The following MGAT1 variants were observed in gnomAD, a reference collection of about 807,000 sequenced individuals.
MGAT1 encodes N-glycosyl-oligosaccharide-glycoprotein N-acetylglucosaminyltransferase I.
In MGAT1, 14 loss-of-function variants were observed where a neutral mutation model predicts 31.7. The ratio of observed to expected loss-of-function variants is 0.44; its 90% CI spans 0.29 to 0.69. The LOEUF (loss-of-function observed/expected upper bound fraction) is 0.69, where lower values mean the gene tolerates loss of function less well. Among genes scored for constraint, MGAT1 ranks in the 30% least tolerant of loss-of-function variants. MGAT1 has a pLI of 0.12. For missense variants in MGAT1, 557 were observed against 626.0 expected (o/e 0.89, Z 1.18); for synonymous variants, 338 against 276.0 (o/e 1.22, Z -2.23).
intron 1 of MGAT1, among the ~76,000 whole-genome samples, chr5:180,802,461 G>T (rs907710303): frequency 6.6e-6 from 1 of 152,138 alleles, no homozygotes; most frequent in East Asian, 1.9e-4. Context: ...TGGAGGCCCG[G>T]GATTCCGAAA....
chr5:180,811,466 C>T (rs936080636), intron 1 of MGAT1: 1 of 152,236 alleles, frequency 6.6e-6, no homozygotes, highest in Non-Finnish European at 1.5e-5. Context: ...GCCCACCTGT[C>T]TTTCCCATGG....
upstream of MGAT1, among the ~76,000 whole-genome samples, chr5:180,805,821 T>G (rs1771782796): frequency 6.6e-6 from 1 of 152,032 alleles, no homozygotes; most frequent in African/African-American, 2.4e-5. Context: ...CTAATATCTC[T>G]GCTTGCCCCT....
At chr5:180,812,086 G>A (rs1275389427) in intron 1 of MGAT1, among the ~76,000 whole-genome samples, 1 of 152,162 alleles carries the variant, frequency 6.6e-6, no homozygotes, top group African/African-American at 2.4e-5. Context: ...GGTTTACCAT[G>A]TATTGTCTGT....
intron 1 of MGAT1, among the ~76,000 whole-genome samples, chr5:180,799,980 G>A (rs1002191129): frequency 5.9e-5 from 9 of 152,130 alleles, no homozygotes; most frequent in African/African-American, 9.7e-5. Context: ...AGCATCAACC[G>A]CTAGACACAG....
At chr5:180,793,281 G>C (rs139165051) in intron 1 of MGAT1, among the ~76,000 whole-genome samples, 184 bp from the exon 2 acceptor site, 2 of 152,112 alleles carry the variant, frequency 1.3e-5, no homozygotes, top group African/African-American at 4.8e-5. Context: ...TTGAGGGAGA[G>C]GCAGAGAGTG....
intron 1 of MGAT1, among the ~76,000 whole-genome samples, chr5:180,813,267 T>C (rs561763886): frequency 2.6e-5 from 4 of 152,356 alleles, no homozygotes; most frequent in South Asian, 4.1e-4. Flanking sequence ...GATAGAACGA[T>C]GGTTTTGCAT....
intron 1 of MGAT1, chr5:180,796,009 T>TTACTTGAAAGGATCTG: frequency 8.5e-6 from 1 of 117,640 alleles, no homozygotes; most frequent in Middle Eastern, 5.1e-3. Flanking sequence ...CTCCAGACCA[T>TTACTTGAAAGGATCTG]AACTCCTTGA....
At chr5:180,803,544 TGGA>T (rs1771367066), upstream of MGAT1, 1 of 151,470 alleles carries the variant, frequency 6.6e-6, no homozygotes, top group African/African-American at 2.4e-5. Context: ...GAAGAGGAGG[TGGA>T]GGTGGACCCA....
intron 2 of MGAT1, among the ~76,000 whole-genome samples, chr5:180,808,251 A>G (rs1459488321): frequency 1.3e-5 from 2 of 152,120 alleles, no homozygotes; most frequent in Non-Finnish European, 2.9e-5. Context: ...AGTCCTTTTC[A>G]GTTAGCTCCC....
Position 180,786,302 on chromosome 5 carries a change from C to G in MGAT1, c.*5332G>C, listed in dbSNP as rs922578670. 1 of 152,272 alleles carries G rather than the reference C, an allele frequency of 6.6e-6. No homozygotes were observed. The highest frequency in any genetic ancestry group is 6.5e-5 in the Admixed American group (1 of 15,282). The allele number at this position is 152,272 out of a possible 1,614,324, so 9.4% of individuals were successfully genotyped here. ...AAACAACCCACTAGGGTTAGGGGCC[C>G]GCAGGTTTCATTCTGCCCCTCTCCA... On this transcript the variant is annotated 3_prime_UTR_variant, in exon 2 of 2. Transcript: ENST00000307826.
At chr5:180,807,426 TA>T (rs1772016694), upstream of MGAT1, among the ~76,000 whole-genome samples, 1 of 152,076 alleles carries the variant, frequency 6.6e-6, no homozygotes, top group African/African-American at 2.4e-5. Context: ...AGTGAGAAGA[TA>T]AAGACAAACA....
chr5:180,794,461 C>T (rs1293029038), intron 1 of MGAT1, among the ~76,000 whole-genome samples: 2 of 149,276 alleles, frequency 1.3e-5, no homozygotes, highest in East Asian at 1.9e-4. Flanking sequence ...ATTACAACTG[C>T]GTGGTACTGG....
upstream of MGAT1, among the ~76,000 whole-genome samples, chr5:180,805,473 T>C (rs58794502): frequency 0.13 from 19,244 of 152,162 alleles, 1,249 homozygotes; most frequent in East Asian, 0.24. Context: ...AAAAGCAGGC[T>C]GGGCGCAGTG....
chr5:180,804,273 G>A (rs1484378093), upstream of MGAT1, among the ~76,000 whole-genome samples: 2 of 152,158 alleles, frequency 1.3e-5, no homozygotes, highest in South Asian at 2.1e-4. Flanking sequence ...CAGACCTGGT[G>A]GGGAGCATAG....
At chr5:180,809,945 A>G (rs1772363896) in intron 1 of MGAT1, 1 of 152,060 alleles carries the variant, frequency 6.6e-6, no homozygotes, top group Non-Finnish European at 1.5e-5. Flanking sequence ...CCGTGTTCAC[A>G]AGAGAAGAGG....
rs750558283 is a variant in MGAT1 at position 180,792,662 on chromosome 5, C to A, written c.310G>T (p.Ala104Ser). Residue 104 changes from alanine to serine, a missense_variant, in exon 2 of 2, where the codon GCG becomes TCG. Ala to Ser is a moderately conservative substitution (Grantham distance 99). Around this residue, in one of 3 missense-constraint regions of MGAT1, gnomAD observed 167 missense variants for 149.8 expected, o/e 1.11. Transcript: ENST00000307826. ...GCGATGACCAGGATGGGAATCACCG[C>A]CGGCGCGGGGGTCACAGGCACACGC... is the stretch of plus-strand genomic sequence containing the variant. ...QPRVPVTPAP[A>S]VIPILVIACD... 6.3e-7 allele frequency: 1 copy of A among 1,578,320 alleles called. No homozygotes were observed. The highest frequency in any genetic ancestry group is 1.2e-5 in the South Asian group (1 of 85,478).
chr5:180,792,079 C>T lies in MGAT1; in HGVS notation c.893G>A (p.Arg298Gln), dbSNP rs982393349. Residue 298 changes from arginine to glutamine, a missense_variant, in exon 2 of 2, where the codon CGG (arginine) becomes CAG (glutamine). Physicochemically the swap from Arg to Gln is conservative, Grantham distance 43 (BLOSUM62 1). This residue lies in a region of MGAT1 where 245 missense variants were observed against 332.9 expected (regional missense o/e 0.74). Coordinates refer to ENST00000307826, the MANE Select transcript of MGAT1 (RefSeq NM_002406.4). ...WDDWMRRPEQ[R>Q]QGRACIRPEI... ...AGGGCGTATGCAGGCCCGCCCCTGC[C>T]GCTGCTCCGGCCGCCGCATCCAGTC... 5.6e-6 allele frequency: 9 copies of T among 1,612,792 alleles called. No homozygotes were observed. Among genetic ancestry groups the T allele is most frequent in the East Asian group, 2.2e-5 (1 of 44,886 alleles).
chr5:180,803,218 G>C (rs1313943384), upstream of MGAT1: 1 of 152,666 alleles, frequency 6.6e-6, no homozygotes, highest in African/African-American at 2.4e-5. Context: ...TGAGGAGCCC[G>C]GGTGGGAGCC....
At position 180,791,561 on chromosome 5, in the gene MGAT1, T is replaced by C. The variant is rs2113196654; in HGVS notation, c.*73A>G. 1 of 1,528,056 alleles carries C rather than the reference T, an allele frequency of 6.5e-7. No homozygotes were observed. The highest frequency in any genetic ancestry group is 8.8e-7 in the Non-Finnish European group (1 of 1,131,612). The allele number at this position is 1,528,056 out of a possible 1,614,324, so 94.7% of individuals were successfully genotyped here. ...TAAGAGGGAAACACAGGCAGGCCGATGCAGCCTGGGGACTGTGGTCCCACC... is the reference window on the plus strand; with the variant it reads ...TAAGAGGGAAACACAGGCAGGCCGACGCAGCCTGGGGACTGTGGTCCCACC... On this transcript the variant is annotated 3_prime_UTR_variant, in exon 2 of 2. Coordinates refer to ENST00000307826, the MANE Select transcript of MGAT1 (RefSeq NM_002406.4).
Sources: gnomAD v4.1 joint callset for allele counts (sites outside exome capture counted in the v4.1 genomes callset) on GRCh38, gnomAD v4.1.1 for gene constraint, gnomAD v4.1.1 regional missense constraint, MANE v1.5 for transcripts, NCBI Gene and HGNC (gene_info 2026-07-23, HGNC 2026-07-21) for gene names.